The following RBP7 variants were observed in gnomAD, a reference collection of about 807,000 sequenced individuals.
RBP7 encodes the protein retinol binding protein 7.
A neutral mutation model predicts 16.7 loss-of-function variants in RBP7; 13 were observed. That is an observed-to-expected ratio of 0.78 (90% confidence interval 0.51 to 1.24). RBP7 has a LOEUF of 1.24. RBP7 is among the 50% of genes most tolerant of loss of function. RBP7 has a pLI of 0.00. For missense variants in RBP7, 145 were observed against 159.5 expected (o/e 0.91, Z 0.49); for synonymous variants, 54 against 56.2 (o/e 0.96, Z 0.17).
intron 2 of RBP7, 151 bp from the exon 3 acceptor site, chr1:10,008,022 C>G (rs558596614): frequency 1.2e-4 from 73 of 619,622 alleles, no homozygotes; most frequent in Non-Finnish European, 1.7e-4. Context: ...CCACTGCACT[C>G]CAGCCTGGGT....
chr1:10,009,657 G>A (rs76089568), intron 3 of RBP7, among the ~76,000 whole-genome samples: 4 of 150,818 alleles, frequency 2.7e-5, no homozygotes, highest in African/African-American at 4.9e-5. Flanking sequence ...TCAGCCTCCC[G>A]AGTAGCTGGG....
chr1:10,011,482 C>T (rs1298543684), intron 3 of RBP7, among the ~76,000 whole-genome samples: 1 of 152,156 alleles, frequency 6.6e-6, no homozygotes, highest in African/African-American at 2.4e-5. Context: ...CAATCACATT[C>T]CTTTAAGACT....
chr1:10,015,829 C>T lies in RBP7; in HGVS notation c.402C>T (p.Ala134=). 6.2e-7 allele frequency: 1 copy of T among 1,613,988 alleles called. No individual in the cohort carries two copies. The highest frequency in any genetic ancestry group is 8.5e-7 in the Non-Finnish European group (1 of 1,179,896). ...GQVCKQTFQR[A] Reference sequence around the variant, plus strand: ...TGTGCAAACAGACATTCCAGAGAGCCTGATCCACATCCAGCAGCAGAGCCC... The same window carrying T: ...TGTGCAAACAGACATTCCAGAGAGCTTGATCCACATCCAGCAGCAGAGCCC... Residue 134 remains alanine (A), a synonymous_variant, in exon 4 of 4, where the codon GCC becomes GCT. Coordinates refer to ENST00000294435, the MANE Select transcript of RBP7 (RefSeq NM_052960.3).
intron 1 of RBP7, among the ~76,000 whole-genome samples, chr1:10,006,092 T>A (rs1435823385): frequency 6.6e-6 from 1 of 152,166 alleles, no homozygotes; most frequent in Non-Finnish European, 1.5e-5. Flanking sequence ...TTTAAAATAG[T>A]GGTGTTTATT....
intron 3 of RBP7, among the ~76,000 whole-genome samples, chr1:10,008,685 C>T (rs3125087): frequency 0.012 from 1,796 of 151,646 alleles, 35 homozygotes; most frequent in African/African-American, 0.04. Context: ...ATGATCCACC[C>T]GCCTCGGCCT....
chr1:10,003,457 CA>C (rs1302807005), intron 1 of RBP7, among the ~76,000 whole-genome samples: 2 of 151,926 alleles, frequency 1.3e-5, no homozygotes, highest in Non-Finnish European at 2.9e-5. Flanking sequence ...CAAACAAAAA[CA>C]AAAAAACCAC....
intron 1 of RBP7, among the ~76,000 whole-genome samples, chr1:10,001,227 G>A (rs1412223650): frequency 1.3e-5 from 2 of 152,128 alleles, no homozygotes; most frequent in South Asian, 2.1e-4. Flanking sequence ...GCTCCCACCC[G>A]GGCTCTGGCA....
intron 1 of RBP7, among the ~76,000 whole-genome samples, chr1:10,001,809 G>GTTTATTTATTTA (rs112287943): frequency 0.035 from 5,078 of 145,596 alleles, 114 homozygotes; most frequent in African/African-American, 0.057. Context: ...AATTTAATTA[G>GTTTATTTATTTA]TTTATTTATT....
intron 3 of RBP7, among the ~76,000 whole-genome samples, chr1:10,010,653 C>T (rs941363350): frequency 6.7e-6 from 1 of 149,588 alleles, no homozygotes; most frequent in Non-Finnish European, 1.5e-5. Flanking sequence ...GGTGCGATCT[C>T]GGCTCACCAC....
chr1:10,015,468 C>A (rs1199111115), intron 3 of RBP7, among the ~76,000 whole-genome samples: 3 of 142,388 alleles, frequency 2.1e-5, no homozygotes, highest in African/African-American at 8.3e-5. Flanking sequence ...AAAAAAAAGA[C>A]CAGCCTAGGC....
intron 1 of RBP7, among the ~76,000 whole-genome samples, chr1:9,999,850 C>T (rs1642232620): frequency 7.6e-6 from 1 of 131,736 alleles, no homozygotes; most frequent in Admixed American, 9.1e-5. Flanking sequence ...TGGAGTCTGG[C>T]TCTATTGCCT....
At chr1:10,014,679 C>T (rs1434460677) in intron 3 of RBP7, among the ~76,000 whole-genome samples, 1 of 151,920 alleles carries the variant, frequency 6.6e-6, no homozygotes, top group African/African-American at 2.4e-5. Context: ...GTGCGCCCGG[C>T]CCCATCAGGC....
intron 1 of RBP7, among the ~76,000 whole-genome samples, chr1:10,003,165 G>A (rs1642327443): frequency 1.3e-5 from 2 of 152,096 alleles, no homozygotes; most frequent in Non-Finnish European, 2.9e-5. Context: ...GGTGGCTCAC[G>A]CCTGTAATCC....
At chr1:10,014,374 CTTTTCTTTCTT>C (rs1237772008) in intron 3 of RBP7, among the ~76,000 whole-genome samples, 1 of 150,764 alleles carries the variant, frequency 6.6e-6, no homozygotes, top group Non-Finnish European at 1.5e-5. Flanking sequence ...CTTTTCTTTT[CTTTTCTTTCTT>C]TTTTCTTTTT....
Position 9,997,447 on chromosome 1 carries a change from C to A in RBP7, c.73+116C>A. 3.3e-6 allele frequency: 3 copies of A among 919,810 alleles called. No individual in the cohort carries two copies. The highest frequency in any genetic ancestry group is 4.9e-6 in the Non-Finnish European group (3 of 607,108). The allele number at this position is 919,810 out of a possible 1,614,324, so 57.0% of individuals were successfully genotyped here. A position where few individuals can be genotyped will look rare whatever the true frequency, so the allele number is the denominator to read the frequency against. ...CTCTGTCCGTGCCTCCGCCCTGCTG[C>A]GCCCACCGTCGCCCAGTCGCCCCCG... On this transcript the variant is annotated intron_variant, in intron 1 of 3. Transcript: ENST00000294435. This position sits in a 1 kb window ranked among gnomAD's most constrained non-coding sequence, Gnocchi z 5.9.
intron 1 of RBP7, among the ~76,000 whole-genome samples, chr1:9,999,681 A>G (rs2101731351): frequency 6.6e-6 from 1 of 152,324 alleles, no homozygotes; most frequent in South Asian, 2.1e-4. Context: ...GTTTTCTGAA[A>G]ACCAGCAACT....
chr1:9,997,248 G>T lies in RBP7; in HGVS notation c.-11G>T. 6.5e-7 allele frequency: 1 copy of T among 1,526,748 alleles called. No homozygotes were observed. The highest frequency in any genetic ancestry group is 1.4e-5 in the African/African-American group (1 of 70,754). 94.6% of individuals were successfully genotyped at this position (1,526,748 alleles called of 1,614,324 possible). A position where few individuals can be genotyped will look rare whatever the true frequency, so the allele number is the denominator to read the frequency against. ...CGGCCGCCCGCCGGGTTTGTCCCGC[G>T]ATCCCCGACCATGCCCGCCGACCTC... is the stretch of plus-strand genomic sequence containing the variant. On this transcript the variant is annotated 5_prime_UTR_variant, in exon 1 of 4. Coordinates refer to ENST00000294435, the MANE Select transcript of RBP7 (RefSeq NM_052960.3). The surrounding 1 kb of genome is among the most constrained non-coding windows in gnomAD (Gnocchi z 5.9).
chr1:10,014,782 C>G (rs1275410732), intron 3 of RBP7, among the ~76,000 whole-genome samples: 2 of 152,022 alleles, frequency 1.3e-5, no homozygotes, highest in African/African-American at 2.4e-5. Context: ...TTATCAAGCC[C>G]GAGGAGGGGT....
chr1:10,002,503 T>G (rs1206980525), intron 1 of RBP7, among the ~76,000 whole-genome samples: 1 of 151,782 alleles, frequency 6.6e-6, no homozygotes, highest in African/African-American at 2.4e-5. Context: ...TCATTTTATT[T>G]TATTTTTATT....
Sources: allele counts gnomAD v4.1 joint callset (sites outside exome capture counted in the v4.1 genomes callset), GRCh38; gene constraint gnomAD v4.1.1; non-coding constraint Gnocchi (gnomAD v3.1); transcripts MANE v1.5; gene names NCBI Gene and HGNC (gene_info 2026-07-23, HGNC 2026-07-21).